Variants in FGFR2 observed in about 807,000 individuals in gnomAD.
FGFR2 encodes BEK fibroblast growth factor receptor.
FGFR2 carries 19 observed loss-of-function variants against 95.9 expected under a neutral mutation model. The ratio of observed to expected loss-of-function variants is 0.20; its 90% CI spans 0.14 to 0.29. The LOEUF (loss-of-function observed/expected upper bound fraction) is 0.29. FGFR2 is among the 10% of genes least tolerant of loss of function. FGFR2 has a pLI of 1.00. For missense variants in FGFR2, 707 were observed against 1,056.9 expected (o/e 0.67, Z 4.59); for synonymous variants, 392 against 393.3 (o/e 1.00, Z 0.04).
chr10:121,569,832 G>A (rs150624218), intron 2 of FGFR2, among the ~76,000 whole-genome samples: 1 of 152,282 alleles, frequency 6.6e-6, no homozygotes, highest in Non-Finnish European at 1.5e-5. Flanking sequence ...TTTCACAAAG[G>A]GCCCATTTTG....
At chr10:121,577,178 T>G (rs10886948) in intron 2 of FGFR2, among the ~76,000 whole-genome samples, 722 of 5,252 alleles carry the variant, frequency 0.14, 94 homozygotes, top group Non-Finnish European at 0.16. Context: ...TATATATATA[T>G]AGAGAGAGAG....
chr10:121,479,385 G>A lies in FGFR2; in HGVS notation c.*472C>T. 3.1e-6 allele frequency: 1 copy of A among 318,628 alleles called. No individual in the cohort carries two copies. The highest frequency in any genetic ancestry group is 4.8e-5 in the Admixed American group (1 of 20,674). The allele number at this position is 318,628 out of a possible 1,614,324, so 19.7% of individuals were successfully genotyped here. ...AGAGACCAATTTTCTAGGTGCATTG[G>A]GACATCCATTTAAAATCAATACAAA... On this transcript the variant is annotated 3_prime_UTR_variant, in exon 18 of 18. Coordinates refer to ENST00000358487, the MANE Select transcript of FGFR2 (RefSeq NM_000141.5).
intron 4 of FGFR2, among the ~76,000 whole-genome samples, chr10:121,561,280 G>A (rs148881635): frequency 3.9e-5 from 6 of 151,902 alleles, no homozygotes; most frequent in African/African-American, 7.2e-5. Flanking sequence ...CAAAATTAGC[G>A]GGGTGTGGTA....
At chr10:121,544,402 C>A (rs944071353) in intron 5 of FGFR2, among the ~76,000 whole-genome samples, 38 of 148,970 alleles carry the variant, frequency 2.6e-4, no homozygotes, top group African/African-American at 9.5e-4. Context: ...CAAGGTTGCA[C>A]CACTGCACTC....
chr10:121,543,188 T>C (rs1280063690), intron 5 of FGFR2, among the ~76,000 whole-genome samples: 1 of 152,102 alleles, frequency 6.6e-6, no homozygotes, highest in Non-Finnish European at 1.5e-5. Flanking sequence ...AACAGATCAG[T>C]TCATTCAACA....
rs962930999 is a variant in FGFR2 at position 121,551,581 on chromosome 10, G to A, written c.455-122C>T. The A allele has an allele frequency of 1.2e-5, 11 of 930,734 alleles. No homozygotes were observed. In the African/African-American group the frequency reaches 1.5e-4, roughly 13 times the overall value. 57.7% of individuals were successfully genotyped at this position (930,734 alleles called of 1,614,324 possible). A position where few individuals can be genotyped will look rare whatever the true frequency, so the allele number is the denominator to read the frequency against. ...ATGCTAGGCTATTTTTTAAATCTTT[G>A]GGTAATATTTACATTTGGAAAATAT... On this transcript the variant is annotated intron_variant, in intron 4 of 17. Transcript: ENST00000358487.
At chr10:121,577,129 C>T (rs1283865644) in intron 2 of FGFR2, among the ~76,000 whole-genome samples, 2 of 32,146 alleles carry the variant, frequency 6.2e-5, no homozygotes, top group African/African-American at 1.4e-4. Context: ...AGCGAGACTC[C>T]ATCTCAAAAA....
intron 6 of FGFR2, among the ~76,000 whole-genome samples, chr10:121,535,159 C>T (rs970471641): frequency 6.6e-6 from 1 of 152,112 alleles, no homozygotes; most frequent in Admixed American, 6.5e-5. Context: ...AGGACAGCTA[C>T]CAGAAGCTGG....
At chr10:121,524,146 A>ACACACACACACCC (rs142755962) in intron 6 of FGFR2, among the ~76,000 whole-genome samples, 4 of 136,888 alleles carry the variant, frequency 2.9e-5, no homozygotes, top group Non-Finnish European at 6.2e-5. Flanking sequence ...ACACACACAC[A>ACACACACACACCC]CCCCAAGTTT....
intron 10 of FGFR2, among the ~76,000 whole-genome samples, chr10:121,503,545 C>A (rs1483149981): frequency 6.6e-6 from 1 of 152,124 alleles, no homozygotes; most frequent in Admixed American, 6.5e-5. Flanking sequence ...AAAATGATAA[C>A]CAGATGCCAT....
chr10:121,524,351 C>G (rs574780459), intron 6 of FGFR2, among the ~76,000 whole-genome samples: 1 of 152,332 alleles, frequency 6.6e-6, no homozygotes, highest in South Asian at 2.1e-4. Flanking sequence ...AAACCTTACA[C>G]TGTCTTCCAA....
chr10:121,564,229 A>C, intron 4 of FGFR2: 1 of 506,454 alleles, frequency 2.0e-6, no homozygotes, highest in East Asian at 3.6e-5. Context: ...GAGAAGTCAA[A>C]GGGAAAAGGG....
intron 2 of FGFR2, among the ~76,000 whole-genome samples, chr10:121,589,536 T>C (rs1862318668): frequency 6.6e-6 from 1 of 152,212 alleles, no homozygotes; most frequent in Non-Finnish European, 1.5e-5. Flanking sequence ...TAGTAAGTGC[T>C]CTGTCTTTTA....
intron 6 of FGFR2, among the ~76,000 whole-genome samples, chr10:121,524,146 A>ACACACAC (rs142755962): frequency 7.3e-6 from 1 of 136,892 alleles, no homozygotes. Flanking sequence ...ACACACACAC[A>ACACACAC]CCCCAAGTTT....
At chr10:121,575,490 C>T (rs537296238) in intron 2 of FGFR2, among the ~76,000 whole-genome samples, 47 of 152,230 alleles carry the variant, frequency 3.1e-4, no homozygotes, top group African/African-American at 8.7e-4. Flanking sequence ...ACCACTAAGA[C>T]GCAGGTATTG....
At position 121,485,321 on chromosome 10, in the gene FGFR2, G is replaced by T. The variant is rs1253957841; in HGVS notation, c.2195+74C>A. 5.0e-6 allele frequency: 8 copies of T among 1,603,172 alleles called. No individual in the cohort carries two copies. The highest frequency in any genetic ancestry group is 6.8e-6 in the Non-Finnish European group (8 of 1,171,216). On this transcript the variant is annotated intron_variant, in intron 16 of 17. Coordinates refer to ENST00000358487, the MANE Select transcript of FGFR2 (RefSeq NM_000141.5). The surrounding 1 kb of genome is among the most constrained non-coding windows in gnomAD (Gnocchi z 4.2). ...TAGGAAACCAGGGGCCTTCAAAAAC[G>T]AGATACATCAGGAGAGGTATTACTG...
chr10:121,577,511 G>A (rs1860113345), intron 2 of FGFR2, among the ~76,000 whole-genome samples: 1 of 152,096 alleles, frequency 6.6e-6, no homozygotes, highest in Admixed American at 6.6e-5. Context: ...AGAATTGGGG[G>A]TTAATTATCT....
At chr10:121,578,001 T>C (rs890953819) in intron 2 of FGFR2, among the ~76,000 whole-genome samples, 1 of 152,032 alleles carries the variant, frequency 6.6e-6, no homozygotes, top group Non-Finnish European at 1.5e-5. Flanking sequence ...CTTCACCTAT[T>C]AGGCCTATCC....
chr10:121,535,772 A>G (rs1297716367), intron 6 of FGFR2, among the ~76,000 whole-genome samples: 2 of 152,242 alleles, frequency 1.3e-5, no homozygotes, highest in African/African-American at 4.8e-5. Context: ...AAGGGCTCCC[A>G]TAAATGAAAG....
Sources: gnomAD v4.1 joint callset for allele counts (sites outside exome capture counted in the v4.1 genomes callset) on GRCh38, gnomAD v4.1.1 for gene constraint, Gnocchi (gnomAD v3.1) non-coding constraint, MANE v1.5 for transcripts, NCBI Gene and HGNC (gene_info 2026-07-23, HGNC 2026-07-21) for gene names.